PTPN21: variants seen among roughly 807,000 people sequenced by gnomAD.
The protein encoded by PTPN21 is protein tyrosine phosphatase non-receptor type 21, also known as tyrosine-protein phosphatase non-receptor type 21.
Under a neutral mutation model 131.8 loss-of-function variants are expected in PTPN21, and 77 were observed. That is an observed-to-expected ratio of 0.58 (90% CI 0.49 to 0.71). The LOEUF (loss-of-function observed/expected upper bound fraction) is 0.71. PTPN21 is among the 30% of genes least tolerant of loss of function. The pLI, the probability that PTPN21 is intolerant of heterozygous loss-of-function variation, is 0.00. For missense variants in PTPN21, 1,552 were observed against 1,527.1 expected (o/e 1.02, Z -0.27); for synonymous variants, 715 against 621.3 (o/e 1.15, Z -2.24).
At chr14:88,470,268 A>T in intron 15 of PTPN21, 1 of 556,946 alleles carries the variant, frequency 1.8e-6, no homozygotes. Flanking sequence ...AGGTACTGTG[A>T]ATATACATAA....
intron 8 of PTPN21, 56 bp from the exon 9 acceptor site, chr14:88,497,346 A>C: frequency 2.2e-6 from 3 of 1,362,936 alleles, no homozygotes; most frequent in Non-Finnish European, 2.1e-6. Context: ...GGAAACAAGG[A>C]GATAGAATAC....
At chr14:88,491,892 T>C (rs2077830633) in intron 10 of PTPN21, among the ~76,000 whole-genome samples, 1 of 152,336 alleles carries the variant, frequency 6.6e-6, no homozygotes, top group South Asian at 2.1e-4. Context: ...GACATTAATG[T>C]AGTTTTGTTC....
intron 2 of PTPN21, among the ~76,000 whole-genome samples, chr14:88,546,726 C>G (rs1316802198): frequency 6.6e-6 from 1 of 152,096 alleles, no homozygotes; most frequent in East Asian, 1.9e-4. Context: ...GGTGGGAGAA[C>G]AGTGCAAGAA....
intron 10 of PTPN21, among the ~76,000 whole-genome samples, chr14:88,486,778 A>C (rs2077740025): frequency 1.3e-5 from 2 of 152,070 alleles, no homozygotes; most frequent in African/African-American, 4.8e-5. Flanking sequence ...GGAGTTCGAG[A>C]CCACCTGGCC....
rs546935599 is a variant in PTPN21, at chr14:88,499,164, A to T, written c.764+1619T>A. On this transcript the variant is annotated intron_variant, in intron 8 of 18. Coordinates refer to ENST00000556564, the MANE Select transcript of PTPN21 (RefSeq NM_007039.4). Reference sequence around the variant, plus strand: ...CAGCATGTTGGGAAGGGTTAATATAAGTGGCTTGGGGACGAGAGAGCAACT... The same window carrying T: ...CAGCATGTTGGGAAGGGTTAATATATGTGGCTTGGGGACGAGAGAGCAACT... 2.0e-5 allele frequency among the ~76,000 whole-genome samples: 3 copies of T among 152,172 alleles called. No individual in the cohort carries two copies. In the South Asian group the frequency reaches 6.2e-4, roughly 32 times the overall value.
chr14:88,512,394 A>G (rs2078199267), intron 3 of PTPN21: 1 of 152,262 alleles, frequency 6.6e-6, no homozygotes, highest in Non-Finnish European at 1.5e-5. Flanking sequence ...AACAAGGTCT[A>G]CAGATTACAT....
intron 13 of PTPN21, among the ~76,000 whole-genome samples, chr14:88,478,585 G>A (rs556500498): frequency 6.6e-6 from 1 of 152,160 alleles, no homozygotes; most frequent in Non-Finnish European, 1.5e-5. Flanking sequence ...TAAAGCAATC[G>A]TGGCTAAAGT....
intron 8 of PTPN21, among the ~76,000 whole-genome samples, chr14:88,497,516 T>C (rs964769557): frequency 1.3e-5 from 2 of 151,862 alleles, no homozygotes; most frequent in Admixed American, 6.6e-5. Flanking sequence ...ACGCCTGTAA[T>C]CTCAGCACTT....
intron 10 of PTPN21, among the ~76,000 whole-genome samples, chr14:88,493,801 T>G (rs1004079233): frequency 1.3e-5 from 2 of 152,210 alleles, no homozygotes; most frequent in Admixed American, 6.5e-5. Context: ...CTTTCCTATC[T>G]TGGCAGTTCT....
intron 2 of PTPN21, among the ~76,000 whole-genome samples, chr14:88,528,107 C>G (rs941141768): frequency 3.3e-5 from 5 of 152,138 alleles, no homozygotes; most frequent in African/African-American, 9.7e-5. Context: ...GTTCTTTCTA[C>G]TTAGTCTTGC....
intron 8 of PTPN21, among the ~76,000 whole-genome samples, chr14:88,498,257 C>T (rs1250395338): frequency 1.3e-5 from 2 of 149,634 alleles, no homozygotes; most frequent in East Asian, 3.9e-4. Context: ...GTCTGGGCAA[C>T]AGAACGAGAC....
chr14:88,534,777 G>C (rs1883081237), intron 2 of PTPN21, among the ~76,000 whole-genome samples: 1 of 152,132 alleles, frequency 6.6e-6, no homozygotes, highest in African/African-American at 2.4e-5. Flanking sequence ...GGGAGGCTGA[G>C]GCTACTTGGG....
intron 10 of PTPN21, among the ~76,000 whole-genome samples, chr14:88,495,821 G>A (rs1292518399): frequency 3.9e-5 from 6 of 152,098 alleles, no homozygotes; most frequent in African/African-American, 1.4e-4. Flanking sequence ...AATGATCACT[G>A]GACGAAAGTC....
At chr14:88,504,353 T>C in intron 6 of PTPN21, 72 bp downstream of exon 6, 5 of 1,187,038 alleles carry the variant, frequency 4.2e-6, no homozygotes, top group Non-Finnish European at 6.2e-6. Flanking sequence ...AAATTAAATA[T>C]TTAATTGAAT....
At chr14:88,492,691 C>A (rs1307711565) in intron 10 of PTPN21, among the ~76,000 whole-genome samples, 1 of 152,212 alleles carries the variant, frequency 6.6e-6, no homozygotes, top group Non-Finnish European at 1.5e-5. Flanking sequence ...AGCCTTTCTC[C>A]TTCCTTCCTG....
intron 3 of PTPN21, among the ~76,000 whole-genome samples, 177 bp from the exon 4 acceptor site, chr14:88,508,197 C>T (rs897794894): frequency 2.0e-5 from 3 of 149,510 alleles, no homozygotes; most frequent in Non-Finnish European, 4.4e-5. Context: ...TGCCCAGGCT[C>T]GAGTGCAGTG....
chr14:88,504,300 G>A, intron 6 of PTPN21, 125 bp downstream of exon 6: 3 of 749,740 alleles, frequency 4.0e-6, no homozygotes, highest in South Asian at 1.8e-5. Context: ...AGTAGTGGCA[G>A]TAATGTTCCA....
At chr14:88,486,304 C>G (rs948725777) in intron 10 of PTPN21, among the ~76,000 whole-genome samples, 1 of 152,156 alleles carries the variant, frequency 6.6e-6, no homozygotes, top group Non-Finnish European at 1.5e-5. Context: ...CACTGTCAAC[C>G]CAGAAGCCTC....
At chr14:88,529,775 A>G (rs924094204) in intron 2 of PTPN21, among the ~76,000 whole-genome samples, 1 of 152,166 alleles carries the variant, frequency 6.6e-6, no homozygotes, top group Non-Finnish European at 1.5e-5. Context: ...TGAGGCAAGG[A>G]GTTTGAGACC....
Sources: allele counts gnomAD v4.1 joint callset (sites outside exome capture counted in the v4.1 genomes callset), GRCh38; gene constraint gnomAD v4.1.1; transcripts MANE v1.5; gene names NCBI Gene and HGNC (gene_info 2026-07-23, HGNC 2026-07-21).